The following JAM2 variants were observed in gnomAD, a reference collection of about 807,000 sequenced individuals.
JAM2 encodes the protein junctional adhesion molecule B.
Under a neutral mutation model 42.0 loss-of-function variants are expected in JAM2, and 17 were observed. The ratio of observed to expected loss-of-function variants is 0.40; its 90% CI spans 0.28 to 0.61. JAM2 has a LOEUF of 0.61. Ranked by LOEUF, JAM2 falls within the 20% of genes least tolerant of loss-of-function variation. The pLI, the probability that JAM2 is intolerant of heterozygous loss-of-function variation, is 0.37. For missense variants in JAM2, 319 were observed against 358.3 expected (o/e 0.89, Z 0.89); for synonymous variants, 118 against 128.6 (o/e 0.92, Z 0.56).
At chr21:25,647,583 G>A (rs1267328682) in intron 1 of JAM2, among the ~76,000 whole-genome samples, 1 of 152,176 alleles carries the variant, frequency 6.6e-6, no homozygotes, top group Non-Finnish European at 1.5e-5. Flanking sequence ...GCACCAAAAT[G>A]CAGTGGGAGC....
At chr21:25,677,994 C>T (rs2033538778) in intron 1 of JAM2, among the ~76,000 whole-genome samples, 1 of 152,064 alleles carries the variant, frequency 6.6e-6, no homozygotes, top group Non-Finnish European at 1.5e-5. Flanking sequence ...GGCACTTTGG[C>T]AGGCCGAGGC....
At chr21:25,711,729 GA>G (rs2034387691) in intron 8 of JAM2, among the ~76,000 whole-genome samples, 1 of 149,738 alleles carries the variant, frequency 6.7e-6, no homozygotes, top group African/African-American at 2.5e-5. Context: ...TGAGTGACAC[GA>G]AAAGTAATTG....
chr21:25,665,835 G>A (rs747433587), intron 1 of JAM2, among the ~76,000 whole-genome samples: 6 of 152,054 alleles, frequency 3.9e-5, no homozygotes, highest in Non-Finnish European at 4.4e-5. Context: ...GAGGTCAGGA[G>A]TTCGAGAGCA....
chr21:25,675,108 A>T (rs1429761431), intron 1 of JAM2, among the ~76,000 whole-genome samples: 1 of 152,094 alleles, frequency 6.6e-6, no homozygotes, highest in Non-Finnish European at 1.5e-5. Context: ...GCTTCCAATC[A>T]TGGAGGAAGG....
intron 1 of JAM2, among the ~76,000 whole-genome samples, chr21:25,680,060 G>T (rs1364603069): frequency 6.6e-6 from 1 of 152,186 alleles, no homozygotes; most frequent in African/African-American, 2.4e-5. Flanking sequence ...GTTAATACTT[G>T]TAAAGCGCCA....
rs199640457 is a variant in JAM2, at chr21:25,702,149, T to C, written c.598-21T>C. 3.0e-5 allele frequency: 40 copies of C among 1,349,538 alleles called. No individual in the cohort carries two copies. The South Asian group carries it at 3.7e-4, about 13-fold the overall frequency. The allele number at this position is 1,349,538 out of a possible 1,614,324, so 83.6% of individuals were successfully genotyped here. A position where few individuals can be genotyped will look rare whatever the true frequency, so the allele number is the denominator to read the frequency against. ...TATAGATCTATGGCTTAAAAAAATA[T>C]ATTTTTGCATCCACAAATAGCAATT... On this transcript the variant is annotated intron_variant, in intron 5 of 9. Coordinates refer to ENST00000480456, the MANE Select transcript of JAM2 (RefSeq NM_021219.4).
At chr21:25,713,706 T>C (rs1221772808) in intron 9 of JAM2, among the ~76,000 whole-genome samples, 1 of 152,230 alleles carries the variant, frequency 6.6e-6, no homozygotes, top group Non-Finnish European at 1.5e-5. Context: ...AGCTTACTGA[T>C]GTTTAATTAG....
chr21:25,689,931 G>A lies in JAM2; in HGVS notation c.199G>A (p.Gly67Ser), dbSNP rs1310238762. 6.2e-7 allele frequency: 1 copy of A among 1,613,800 alleles called. No homozygotes were observed. Among genetic ancestry groups the A allele is most frequent in the East Asian group, 2.2e-5 (1 of 44,876 alleles). ...CTCCAGATTAGAGTGGAAGAAACTG[G>A]GTCGGAGTGTCTCCTTTGTCTACTA... ...VSSRLEWKKLGRSVSFVYYQQ... is the reference protein window; with the variant it reads ...VSSRLEWKKLSRSVSFVYYQQ... Residue 67 changes from glycine (G) to serine (S), a missense_variant, in exon 3 of 10, where the codon GGT becomes AGT. Gly to Ser is a moderately conservative substitution (Grantham distance 56). Transcript: ENST00000480456.
intron 1 of JAM2, among the ~76,000 whole-genome samples, chr21:25,674,962 T>C (rs2033448233): frequency 6.6e-6 from 1 of 152,116 alleles, no homozygotes; most frequent in African/African-American, 2.4e-5. Context: ...TATGTGCTAA[T>C]CTGTTCTCCC....
At chr21:25,688,866 C>T (rs553875118) in intron 2 of JAM2, among the ~76,000 whole-genome samples, 1 of 152,090 alleles carries the variant, frequency 6.6e-6, no homozygotes, top group Non-Finnish European at 1.5e-5. Context: ...TTTTTTAGGT[C>T]AAACCATATG....
Position 25,693,842 on chromosome 21 carries a change from G to A in JAM2, c.328G>A (p.Glu110Lys). Reference protein sequence around the residue: ...TRSDAGKYRCEVSAPSEQGQN... With the variant: ...TRSDAGKYRCKVSAPSEQGQN... ...AAGTGATGCGGGGAAATATCGTTGT[G>A]AAGTTAGTGCCCCATCTGAGCAAGG... The change falls in exon 4 of 10, where the codon GAA (glutamate) becomes AAA (lysine). Residue 110 changes from glutamate (E) to lysine (K), a missense_variant. Physicochemically the swap from Glu to Lys is moderately conservative, Grantham distance 56. Coordinates refer to ENST00000480456, the MANE Select transcript of JAM2 (RefSeq NM_021219.4). The A allele has an allele frequency of 6.2e-7, 1 of 1,614,152 alleles. No individual in the cohort carries two copies. The highest frequency in any genetic ancestry group is 8.5e-7 in the Non-Finnish European group (1 of 1,179,976).
intron 6 of JAM2, 31 bp downstream of exon 6, chr21:25,702,300 G>T (rs928604942): frequency 7.0e-7 from 1 of 1,431,202 alleles, no homozygotes; most frequent in African/African-American, 1.4e-5. Flanking sequence ...GGAACAAATG[G>T]TTTGCAATTC....
In JAM2 at chr21:25,693,913, T is replaced by C; in HGVS notation, c.394+5T>C. ...CAGTCACTCTGGAAGTATTAGGTGA[T>C]GTGCATGTATGTGTGTGACTACGTC... On this transcript the variant is annotated splice_donor_5th_base_variant and intron_variant, in intron 4 of 9. Transcript: ENST00000480456. 6.2e-7 allele frequency: 1 copy of C among 1,613,524 alleles called. No homozygotes were observed. Among genetic ancestry groups the C allele is most frequent in the Non-Finnish European group, 8.5e-7 (1 of 1,179,676 alleles).
intron 2 of JAM2, among the ~76,000 whole-genome samples, chr21:25,684,603 T>C (rs1480242345): frequency 6.6e-6 from 1 of 152,122 alleles, no homozygotes; most frequent in East Asian, 1.9e-4. Flanking sequence ...TGTTGTTTTG[T>C]TTTGCTTTAT....
At chr21:25,703,553 T>C (rs147216845) in intron 6 of JAM2, among the ~76,000 whole-genome samples, 51 of 152,316 alleles carry the variant, frequency 3.3e-4, no homozygotes, top group African/African-American at 1.2e-3. Flanking sequence ...TTGTGAATTA[T>C]AACTATATTC....
intron 8 of JAM2, 90 bp from the exon 9 acceptor site, chr21:25,712,250 G>A (rs769079424): frequency 2.3e-6 from 2 of 867,134 alleles, no homozygotes; most frequent in Admixed American, 3.5e-5. Context: ...CTGAGAAAAT[G>A]TATGGAAGTA....
intron 1 of JAM2, among the ~76,000 whole-genome samples, chr21:25,654,188 G>T (rs2032859915): frequency 6.6e-6 from 1 of 152,120 alleles, no homozygotes; most frequent in Non-Finnish European, 1.5e-5. Context: ...AAAGAAAATA[G>T]ATAATGAAAA....
At chr21:25,647,945 T>A (rs1416161787) in intron 1 of JAM2, among the ~76,000 whole-genome samples, 1 of 152,242 alleles carries the variant, frequency 6.6e-6, no homozygotes, top group African/African-American at 2.4e-5. Flanking sequence ...GCGCTGTGAC[T>A]CACGCCTGTA....
At chr21:25,641,239 T>A (rs2032432403) in intron 1 of JAM2, among the ~76,000 whole-genome samples, 1 of 152,234 alleles carries the variant, frequency 6.6e-6, no homozygotes, top group Non-Finnish European at 1.5e-5. Flanking sequence ...GAGAAAGTTA[T>A]GTATTCTGCT....
Sources: allele counts gnomAD v4.1 joint callset (sites outside exome capture counted in the v4.1 genomes callset), GRCh38; gene constraint gnomAD v4.1.1; transcripts MANE v1.5; gene names NCBI Gene and HGNC (gene_info 2026-07-23, HGNC 2026-07-21).